Variants in TRIM25 observed in about 807,000 individuals in gnomAD.
The protein encoded by TRIM25 is E3 ubiquitin/ISG15 ligase TRIM25.
Under a neutral mutation model 65.2 loss-of-function variants are expected in TRIM25, and 45 were observed. The observed-to-expected ratio is 0.69, with a 90% CI of 0.54 to 0.89. The LOEUF is 0.89. TRIM25 is among the 40% of genes least tolerant of loss of function. The probability of loss-of-function intolerance (pLI) is 0.00; values close to 1 mark genes in which losing one functional copy is unlikely to be tolerated. For missense variants in TRIM25, 714 were observed against 803.7 expected, an observed-to-expected ratio of 0.89 and a Z score of 1.35; for synonymous variants, 321 against 340.4, an observed-to-expected ratio of 0.94 and a Z score of 0.63.
intron 5 of TRIM25, 38 bp from the exon 6 acceptor site, chr17:56,895,990 G>A (rs377171814): frequency 4.4e-5 from 70 of 1,591,320 alleles, no homozygotes; most frequent in Non-Finnish European, 6.0e-5. Context: ...TTCTTTTAAG[G>A]CACAACACAA....
rs549667830 is a variant in TRIM25, at chr17:56,913,709, C to G, written c.280G>C (p.Ala94Pro). 20 of 1,568,734 alleles carry G rather than the reference C, an allele frequency of 1.3e-5. No individual in the cohort carries two copies. In the African/African-American group the frequency reaches 2.6e-4, roughly 20 times the overall value. The change falls in exon 1 of 9, where the codon GCC (alanine) becomes CCC (proline). Residue 94 changes from alanine (A) to proline (P), a missense_variant. Physicochemically the swap from Ala to Pro is conservative, Grantham distance 27 (BLOSUM62 -1). Transcript: ENST00000316881. This position sits in a 1 kb window ranked among gnomAD's most constrained non-coding sequence, Gnocchi z 6.1. ...TTCGGGCTGGGTGCAGAGGCGCGGG[C>G]GGGCGGCGTCCAGACGTCGGCGGGT... ...EPPADVWTPP[A>P]RASAPSPNAQ...
rs533715139 is a variant in TRIM25 at position 56,891,339 on chromosome 17, T to C, written c.*361A>G. The C allele has an allele frequency of 8.2e-4, 265 of 323,002 alleles. No individual in the cohort carries two copies. Among genetic ancestry groups the C allele is most frequent in the Non-Finnish European group, 1.4e-3 (241 of 169,186 alleles). 20.0% of individuals were successfully genotyped at this position (323,002 alleles called of 1,614,324 possible). The stretch of plus-strand genomic sequence containing the variant: ...CAAAGGGGCAGCCTTCAGATCCAAG[T>C]GGCCCAAGACAGAACCTACAGTAGC... On this transcript the variant is annotated 3_prime_UTR_variant, in exon 9 of 9. Transcript: ENST00000316881.
In TRIM25 at chr17:56,890,003, G is replaced by GTACCTGATTCC. The variant is rs1197851029; in HGVS notation, c.*1696_*1697insGGAATCAGGTA. 2.5e-6 allele frequency: 1 copy of GTACCTGATTCC among 402,728 alleles called. No homozygotes were observed. Among genetic ancestry groups the GTACCTGATTCC allele is most frequent in the Non-Finnish European group, 4.4e-6 (1 of 228,232 alleles). The allele number at this position is 402,728 out of a possible 1,614,324, so 24.9% of individuals were successfully genotyped here. ...GATCAGGTATGTACCTGCATGTCAGGTGTGTAGCTGTCAGGAATATCAAGT... is the reference window on the plus strand; with the variant it reads ...GATCAGGTATGTACCTGCATGTCAGGTACCTGATTCCTGTGTAGCTGTCAGGAATATCAAGT... On this transcript the variant is annotated 3_prime_UTR_variant, in exon 9 of 9. Transcript: ENST00000316881.
rs750519536 is a variant in TRIM25, at chr17:56,914,024, C to A, written c.-36G>T. 2 of 1,429,538 alleles carry A rather than the reference C, an allele frequency of 1.4e-6. No homozygotes were observed. The highest frequency in any genetic ancestry group is 3.0e-5 in the South Asian group (2 of 66,754). 88.6% of individuals were successfully genotyped at this position (1,429,538 alleles called of 1,614,324 possible). ...GGGGTCGGGACACAACTGCTGCACC[C>A]GCGCTCCGAGGCCGCCGAGGAAACG... is the stretch of plus-strand genomic sequence containing the variant. On this transcript the variant is annotated 5_prime_UTR_variant, in exon 1 of 9. Transcript: ENST00000316881.
chr17:56,896,093 G>A, intron 5 of TRIM25, 141 bp from the exon 6 acceptor site: 2 of 918,608 alleles, frequency 2.2e-6, no homozygotes, highest in Non-Finnish European at 3.3e-6. Context: ...GAGTCAGCAG[G>A]CAAAATGAAT....
intron 2 of TRIM25, among the ~76,000 whole-genome samples, chr17:56,905,533 G>A (rs2053200415): frequency 6.6e-6 from 1 of 152,106 alleles, no homozygotes; most frequent in South Asian, 2.1e-4. Flanking sequence ...TGCCATGAGT[G>A]TAAAATACAT....
In TRIM25 at chr17:56,889,031, A is replaced by G. The variant is rs1312298883; in HGVS notation, c.*2669T>C. 1 of 152,208 alleles carries G rather than the reference A, an allele frequency of 6.6e-6. No homozygotes were observed. The highest frequency in any genetic ancestry group is 2.4e-5 in the African/African-American group (1 of 41,446). The allele number at this position is 152,208 out of a possible 1,614,324, so 9.4% of individuals were successfully genotyped here. ...AAGAGTTAACTCTAAAAAAATATTA[A>G]GCTCAAGAAATAACAGCTCAAATAC... On this transcript the variant is annotated 3_prime_UTR_variant, in exon 9 of 9. Coordinates refer to ENST00000316881, the MANE Select transcript of TRIM25 (RefSeq NM_005082.5).
intron 2 of TRIM25, among the ~76,000 whole-genome samples, chr17:56,906,194 T>A (rs1909515909): frequency 7.0e-6 from 1 of 141,882 alleles, no homozygotes; most frequent in Non-Finnish European, 1.5e-5. Context: ...TCTGCCCTCA[T>A]GAATGGATTC....
chr17:56,900,188 T>C (rs916635490), intron 4 of TRIM25, among the ~76,000 whole-genome samples: 4 of 151,532 alleles, frequency 2.6e-5, no homozygotes, highest in African/African-American at 9.7e-5. Flanking sequence ...CACTCCAGCC[T>C]GGGTGACAGA....
chr17:56,899,033 G>A lies in TRIM25; in HGVS notation c.1153+82C>T, dbSNP rs906349246. 8.5e-6 allele frequency: 13 copies of A among 1,527,488 alleles called. No homozygotes were observed. The African/African-American group carries it at 1.6e-4, about 19-fold the overall frequency. The allele number at this position is 1,527,488 out of a possible 1,614,324, so 94.6% of individuals were successfully genotyped here. ...AGGTCCAGGCCCCACAGTGACTCGG[G>A]ATGGGCCGGAAGTGACTTGGCCAGA... On this transcript the variant is annotated intron_variant, in intron 5 of 8. Coordinates refer to ENST00000316881, the MANE Select transcript of TRIM25 (RefSeq NM_005082.5).
chr17:56,899,221 C>T (rs540875048), intron 4 of TRIM25, 41 bp from the exon 5 acceptor site: 2 of 1,611,280 alleles, frequency 1.2e-6, no homozygotes, highest in African/African-American at 1.3e-5. Context: ...CGGCTCCTCT[C>T]ACTGACCCTA....
Position 56,901,525 on chromosome 17 carries a change from C to G in TRIM25, c.981G>C (p.Val327=), listed in dbSNP as rs752492011. 1 of 1,614,098 alleles carries G rather than the reference C, an allele frequency of 6.2e-7. No individual in the cohort carries two copies. Residue 327 remains valine (V), a synonymous_variant, in exon 4 of 9, where the codon GTG becomes GTC. Coordinates refer to ENST00000316881, the MANE Select transcript of TRIM25 (RefSeq NM_005082.5). Reference sequence around the variant, plus strand: ...CTTTTATCAGCTTGTGGTTCAGTTCCACCTCGGGGATGTAGACTGGCTTTG... The same window carrying G: ...CTTTTATCAGCTTGTGGTTCAGTTCGACCTCGGGGATGTAGACTGGCTTTG... ...ISTKPVYIPE[V]ELNHKLIKGI... is the part of the protein sequence containing the mutation.
At chr17:56,911,865 C>T (rs1909636368) in intron 1 of TRIM25, among the ~76,000 whole-genome samples, 1 of 151,542 alleles carries the variant, frequency 6.6e-6, no homozygotes, top group Non-Finnish European at 1.5e-5. Flanking sequence ...GTACTCCAGC[C>T]TGGGTGACAG....
chr17:56,898,999 T>C, intron 5 of TRIM25, 116 bp downstream of exon 5: 1 of 1,221,310 alleles, frequency 8.2e-7, no homozygotes, highest in East Asian at 2.4e-5. Flanking sequence ...ACCAACTTCT[T>C]TCCCACTGAG....
chr17:56,901,934 C>A (rs1444597712), intron 3 of TRIM25, among the ~76,000 whole-genome samples: 1 of 152,178 alleles, frequency 6.6e-6, no homozygotes, highest in East Asian at 1.9e-4. Flanking sequence ...ACAGGAAACT[C>A]AGGACCACCC....
Position 56,904,470 on chromosome 17 carries a change from C to A in TRIM25, c.712G>T (p.Val238Leu). Reference protein sequence around the residue: ...QDVRMTANRKVEQLQQEYTEM... With the variant: ...QDVRMTANRKLEQLQQEYTEM... ...GTGTATTCTTGTTGTAGCTGCTCCA[C>A]CTTTCTGTTTGCAGTCATCTGAGAG... Residue 238 changes from valine (V) to leucine (L), a missense_variant, in exon 3 of 9, where the codon GTG becomes TTG. Coordinates refer to ENST00000316881, the MANE Select transcript of TRIM25 (RefSeq NM_005082.5). 1 of 1,614,148 alleles carries A rather than the reference C, an allele frequency of 6.2e-7. No homozygotes were observed. The highest frequency in any genetic ancestry group is 1.3e-5 in the African/African-American group (1 of 75,018).
chr17:56,907,686 T>C (rs1909547538), intron 2 of TRIM25, among the ~76,000 whole-genome samples: 1 of 152,238 alleles, frequency 6.6e-6, no homozygotes, highest in South Asian at 2.1e-4. Flanking sequence ...TTCCATGCTC[T>C]CTGTAATGGG....
rs1318923417 is a variant in TRIM25 at position 56,901,590 on chromosome 17, CA to C, written c.928-13del. The C allele has an allele frequency of 3.7e-6, 6 of 1,613,732 alleles. No individual in the cohort carries two copies. Among genetic ancestry groups the C allele is most frequent in the Non-Finnish European group, 5.1e-6 (6 of 1,179,892 alleles). ...AGTTTTGATGCTTTCTGGAACATGC[CA>C]GGGGGTTAGTGCAGGCAGCTCTGGT... On this transcript the variant is annotated splice_polypyrimidine_tract_variant and intron_variant, in intron 3 of 8. Coordinates refer to ENST00000316881, the MANE Select transcript of TRIM25 (RefSeq NM_005082.5).
intron 3 of TRIM25, among the ~76,000 whole-genome samples, chr17:56,903,539 G>T (rs547024967): frequency 6.6e-6 from 1 of 152,296 alleles, no homozygotes; most frequent in East Asian, 1.9e-4. Context: ...GGCAGGCAAC[G>T]TTCTAAGATG....
Sources: gnomAD v4.1 joint callset for allele counts (sites outside exome capture counted in the v4.1 genomes callset) on GRCh38, gnomAD v4.1.1 for gene constraint, Gnocchi (gnomAD v3.1) non-coding constraint, MANE v1.5 for transcripts, NCBI Gene and HGNC (gene_info 2026-07-23, HGNC 2026-07-21) for gene names.